ZNF236: variants seen among roughly 807,000 people sequenced by gnomAD.
ZNF236 encodes the protein zinc finger protein 236.
A neutral mutation model predicts 191.2 loss-of-function variants in ZNF236; 50 were observed. The ratio of observed to expected loss-of-function variants is 0.26; its 90% CI spans 0.21 to 0.33. The LOEUF (loss-of-function observed/expected upper bound fraction) is 0.33, where lower values mean the gene tolerates loss of function less well. Ranked by LOEUF, ZNF236 falls within the 10% of genes least tolerant of loss-of-function variation. The pLI is 1.00. For missense variants in ZNF236, 1,754 were observed against 2,374.5 expected (o/e 0.74, Z 5.43); for synonymous variants, 907 against 928.8 (o/e 0.98, Z 0.43).
intron 1 of ZNF236, chr18:76,824,558 C>A: frequency 1.4e-6 from 1 of 711,114 alleles, no homozygotes; most frequent in South Asian, 1.5e-5. Context: ...TGTTAGTATG[C>A]CATCTGCCAA....
intron 1 of ZNF236, among the ~76,000 whole-genome samples, chr18:76,829,962 C>G (rs561163469): frequency 6.6e-6 from 1 of 152,202 alleles, no homozygotes; most frequent in Non-Finnish European, 1.5e-5. Context: ...CCTCCGTCTC[C>G]CGGGTTCAAG....
At chr18:76,928,228 T>G in intron 25 of ZNF236, 122 bp downstream of exon 25, 4 of 707,824 alleles carry the variant, frequency 5.7e-6, no homozygotes, top group Non-Finnish European at 8.2e-6. Context: ...GTATTTATAA[T>G]TTATGGGAGA....
rs551989377 is a variant in ZNF236, at chr18:76,947,450, A to G, written c.4783-71A>G. 5.2e-6 allele frequency: 8 copies of G among 1,547,966 alleles called. No individual in the cohort carries two copies. In the East Asian group the frequency reaches 1.6e-4, roughly 31 times the overall value. ...TTGTTTTCCAAGGTAGCTGCACCAT[A>G]AAAGATCTTTTAAATTATTGCTTGT... On this transcript the variant is annotated intron_variant, in intron 26 of 30. Transcript: ENST00000320610.
intron 30 of ZNF236, among the ~76,000 whole-genome samples, chr18:76,967,868 TTTTCTCTTTAACGTCTACACTG>T (rs1377278088): frequency 6.6e-6 from 1 of 152,140 alleles, no homozygotes; most frequent in Non-Finnish European, 1.5e-5. Flanking sequence ...AGGGGTAATT[TTTTCTCTTTAACGTCTACACTG>T]TAGTGCTTCC....
chr18:76,958,913 CCCTGACTCCTG>C (rs1419568740), intron 28 of ZNF236, among the ~76,000 whole-genome samples: 2 of 152,232 alleles, frequency 1.3e-5, no homozygotes, highest in African/African-American at 4.8e-5. Flanking sequence ...GTGTACTTTT[CCCTGACTCCTG>C]CCTTACAGGG....
At chr18:76,831,219 C>A (rs1442897110) in intron 1 of ZNF236, among the ~76,000 whole-genome samples, 1 of 152,208 alleles carries the variant, frequency 6.6e-6, no homozygotes, top group Non-Finnish European at 1.5e-5. Context: ...TTCATCCATC[C>A]CTTCCCTGAC....
In ZNF236 at chr18:76,843,803, A is replaced by AAAAAAAAAAAAAAAAAAAAAAAG. The variant is rs71172383; in HGVS notation, c.56-5721_56-5720insAAAAAAAAAAAAAAAAAAAAGAA. ...AAAAAAAAAAAAAAAAAAAAAAAAA[A>AAAAAAAAAAAAAAAAAAAAAAAG]AAGTAAAGAAGAGACCGGGCGCAGT... is the stretch of plus-strand genomic sequence containing the variant. On this transcript the variant is annotated intron_variant, in intron 1 of 30. Transcript: ENST00000320610. 2.8e-3 allele frequency among the ~76,000 whole-genome samples: 176 copies of AAAAAAAAAAAAAAAAAAAAAAAG among 62,088 alleles called. 63 individuals are homozygous for AAAAAAAAAAAAAAAAAAAAAAAG. The highest frequency in any genetic ancestry group is 3.6e-3 in the Non-Finnish European group (126 of 35,428). 40.7% of individuals were successfully genotyped at this position (62,088 alleles called of 152,430 possible).
At chr18:76,928,478 T>G (rs1291238340) in intron 25 of ZNF236, among the ~76,000 whole-genome samples, 2 of 152,214 alleles carry the variant, frequency 1.3e-5, no homozygotes, top group Non-Finnish European at 2.9e-5. Flanking sequence ...GCATTTTAGA[T>G]CCGCATGGCA....
intron 18 of ZNF236, 126 bp from the exon 19 acceptor site, chr18:76,915,521 T>G (rs1967333046): frequency 2.4e-6 from 2 of 839,488 alleles, no homozygotes; most frequent in Non-Finnish European, 3.7e-6. Context: ...TTAACCAAAG[T>G]CTGTTAAGCC....
At position 76,824,402 on chromosome 18, in the gene ZNF236, C is replaced by T. The variant is rs150569534; in HGVS notation, c.55+1740C>T. ...TGGAGAGATGTTGGCTGCACCATGA[C>T]CCAGGTATGCAGATTTGTAGTTGGA... is the stretch of plus-strand genomic sequence containing the variant. On this transcript the variant is annotated intron_variant, in intron 1 of 30. Coordinates refer to ENST00000320610, the MANE Select transcript of ZNF236 (RefSeq NM_001306089.2). 3.0e-4 allele frequency: 234 copies of T among 781,018 alleles called. No individual in the cohort carries two copies. The African/African-American group carries it at 3.2e-3, about 11-fold the overall frequency. The allele number at this position is 781,018 out of a possible 1,614,324, so 48.4% of individuals were successfully genotyped here. A position where few individuals can be genotyped will look rare whatever the true frequency, so the allele number is the denominator to read the frequency against.
intron 26 of ZNF236, among the ~76,000 whole-genome samples, chr18:76,938,240 T>G (rs1322691707): frequency 2.0e-5 from 3 of 151,440 alleles, no homozygotes; most frequent in African/African-American, 7.3e-5. Context: ...AAATAAAAAA[T>G]TTGGCCAGGC....
intron 1 of ZNF236, among the ~76,000 whole-genome samples, chr18:76,845,568 G>T (rs1975648489): frequency 6.6e-6 from 1 of 151,980 alleles, no homozygotes; most frequent in South Asian, 2.1e-4. Flanking sequence ...AATGCAGCTG[G>T]GGCTGGGCAC....
intron 1 of ZNF236, among the ~76,000 whole-genome samples, chr18:76,847,476 T>G (rs1440685957): frequency 6.6e-6 from 1 of 150,844 alleles, no homozygotes; most frequent in African/African-American, 2.4e-5. Flanking sequence ...ATTTATTTAT[T>G]TTTTTTTTAG....
At chr18:76,833,711 TG>T (rs778986724) in intron 1 of ZNF236, among the ~76,000 whole-genome samples, 2 of 152,326 alleles carry the variant, frequency 1.3e-5, no homozygotes, top group Middle Eastern at 6.8e-3. Flanking sequence ...TAAAATAGGT[TG>T]GGAAGTCTTC....
rs10451402 is a variant in ZNF236 at position 76,938,274 on chromosome 18, T to C, written c.4782+931T>C. Among the ~76,000 whole-genome samples the C allele has an allele frequency of 8.1e-3, 1,238 of 151,928 alleles. 13 individuals carry two copies. The highest frequency in any genetic ancestry group is 0.028 in the African/African-American group (1,161 of 41,426). On this transcript the variant is annotated intron_variant, in intron 26 of 30. Coordinates refer to ENST00000320610, the MANE Select transcript of ZNF236 (RefSeq NM_001306089.2). ...GCGTGGCAGTACACACCTGTAGTAC[T>C]AGGTACTCCGGGGGCTGAGGTGGGA...
At chr18:76,940,966 G>A (rs1968121110) in intron 26 of ZNF236, among the ~76,000 whole-genome samples, 1 of 152,184 alleles carries the variant, frequency 6.6e-6, no homozygotes, top group African/African-American at 2.4e-5. Flanking sequence ...ACACATGTGA[G>A]GGATCTAGGT....
chr18:76,858,561 G>A (rs570617972), intron 3 of ZNF236, among the ~76,000 whole-genome samples: 3 of 152,352 alleles, frequency 2.0e-5, no homozygotes, highest in African/African-American at 7.2e-5. Flanking sequence ...ATTTTACAAG[G>A]GGAGCAGTTA....
At chr18:76,860,574 C>A (rs1292369101) in intron 3 of ZNF236, among the ~76,000 whole-genome samples, 2 of 152,132 alleles carry the variant, frequency 1.3e-5, no homozygotes, top group African/African-American at 4.8e-5. Flanking sequence ...TGCTTCAGTC[C>A]CTGCCTCTGC....
intron 30 of ZNF236, 57 bp from the exon 31 acceptor site, chr18:76,968,158 T>A (rs17575711): frequency 3.8e-6 from 6 of 1,597,848 alleles, no homozygotes; most frequent in Non-Finnish European, 4.3e-6. Flanking sequence ...TAAATAGGAA[T>A]CATTTTGTGC....
Sources: allele counts gnomAD v4.1 joint callset (sites outside exome capture counted in the v4.1 genomes callset), GRCh38; gene constraint gnomAD v4.1.1; transcripts MANE v1.5; gene names NCBI Gene and HGNC (gene_info 2026-07-23, HGNC 2026-07-21).